The following PCCA variants were observed in gnomAD, a reference collection of about 807,000 sequenced individuals.
The protein encoded by PCCA is propionyl-CoA carboxylase subunit alpha, also known as propionyl-CoA carboxylase alpha chain, mitochondrial.
Under a neutral mutation model 101.3 loss-of-function variants are expected in PCCA, and 74 were observed. That is an observed-to-expected ratio of 0.73 (90% confidence interval 0.61 to 0.89). The LOEUF (loss-of-function observed/expected upper bound fraction) is 0.89. PCCA is among the 40% of genes least tolerant of loss of function. The pLI, the probability that PCCA is intolerant of heterozygous loss-of-function variation, is 0.00. For synonymous variants in PCCA, 294 were observed against 313.6 expected (o/e 0.94, Z 0.66); for missense variants, 891 against 907.0 (o/e 0.98, Z 0.23).
At chr13:100,517,046 CGTGTGTGTGTGTGTGTGTGT>C (rs3840814) in intron 22 of PCCA, among the ~76,000 whole-genome samples, 3 of 132,986 alleles carry the variant, frequency 2.3e-5, no homozygotes, top group African/African-American at 5.7e-5. Flanking sequence ...ATTATAAAAT[CGTGTGTGTGTGTGTGTGTGT>C]GTGTGTGTGT....
At chr13:100,442,047 G>T (rs1215894976) in intron 20 of PCCA, among the ~76,000 whole-genome samples, 5 of 145,488 alleles carry the variant, frequency 3.4e-5, no homozygotes, top group Non-Finnish European at 6.0e-5. Context: ...AGGCTGTAGT[G>T]CAATGGCATG....
At chr13:100,453,087 C>T (rs967585437) in intron 21 of PCCA, among the ~76,000 whole-genome samples, 2 of 151,948 alleles carry the variant, frequency 1.3e-5, no homozygotes, top group Admixed American at 6.6e-5. Context: ...TCCCAGCTAC[C>T]CAGGAACATC....
chr13:100,309,960 A>G, intron 16 of PCCA, 52 bp downstream of exon 16: 1 of 1,268,628 alleles, frequency 7.9e-7, no homozygotes, highest in Non-Finnish European at 1.2e-6. Context: ...GTCCAGTTCC[A>G]GAGAACAGCC....
intron 7 of PCCA, among the ~76,000 whole-genome samples, chr13:100,232,351 CGTGTGTGTGTGTGTGTGTGTGTGT>C (rs375554722): frequency 4.6e-5 from 6 of 131,180 alleles, no homozygotes; most frequent in Non-Finnish European, 8.1e-5. Context: ...TGTGTGTATG[CGTGTGTGTGTGTGTGTGTGTGTGT>C]GTGTGTGTGT....
intron 20 of PCCA, among the ~76,000 whole-genome samples, chr13:100,429,321 G>A (rs1441857028): frequency 1.3e-5 from 2 of 151,802 alleles, no homozygotes; most frequent in African/African-American, 4.8e-5. Flanking sequence ...GCAATTATAA[G>A]TGTTTGTGTG....
intron 19 of PCCA, among the ~76,000 whole-genome samples, chr13:100,423,998 G>T (rs1006827611): frequency 6.6e-6 from 1 of 152,198 alleles, no homozygotes; most frequent in Admixed American, 6.5e-5. Context: ...ACCTACTACA[G>T]TCGGCCCATG....
chr13:100,410,136 G>A (rs1378825432), intron 19 of PCCA, among the ~76,000 whole-genome samples: 1 of 152,182 alleles, frequency 6.6e-6, no homozygotes, highest in African/African-American at 2.4e-5. Flanking sequence ...TGTACTATAT[G>A]GACTGGGATT....
chr13:100,316,322 TTTATG>T (rs1244427815), intron 16 of PCCA, among the ~76,000 whole-genome samples: 2 of 152,260 alleles, frequency 1.3e-5, no homozygotes, highest in African/African-American at 4.8e-5. Context: ...AGTCTGTGTT[TTTATG>T]CTGTATTTAC....
At chr13:100,368,316 A>G (rs1016687378) in intron 18 of PCCA, among the ~76,000 whole-genome samples, 156 bp from the exon 19 acceptor site, 4 of 152,242 alleles carry the variant, frequency 2.6e-5, no homozygotes. Flanking sequence ...ATTCAAATTC[A>G]TAGATACATG....
intron 21 of PCCA, among the ~76,000 whole-genome samples, chr13:100,506,130 T>C (rs1264918671): frequency 6.6e-6 from 1 of 152,126 alleles, no homozygotes; most frequent in Non-Finnish European, 1.5e-5. Context: ...CTTCAGAGAC[T>C]TGGGCTTTCA....
intron 8 of PCCA, among the ~76,000 whole-genome samples, chr13:100,243,715 A>G (rs2061284466): frequency 6.6e-6 from 1 of 152,146 alleles, no homozygotes; most frequent in African/African-American, 2.4e-5. Flanking sequence ...GTTCTTTGAA[A>G]GTCTGGCTCT....
At chr13:100,400,629 T>TTTTTA in intron 19 of PCCA, among the ~76,000 whole-genome samples, 1 of 99,106 alleles carries the variant, frequency 1.0e-5, no homozygotes. Flanking sequence ...TCTTTTTAGT[T>TTTTTA]CTTTTTTTTT....
At chr13:100,274,492 G>A (rs1595061820) in intron 12 of PCCA, among the ~76,000 whole-genome samples, 1 of 152,004 alleles carries the variant, frequency 6.6e-6, no homozygotes. Flanking sequence ...ATTTGTTCTC[G>A]TACACTTCAG....
At chr13:100,485,728 T>C (rs1419932587) in intron 21 of PCCA, among the ~76,000 whole-genome samples, 1 of 152,210 alleles carries the variant, frequency 6.6e-6, no homozygotes, top group African/African-American at 2.4e-5. Context: ...GCTTGGGTCA[T>C]AATGATAATA....
intron 7 of PCCA, among the ~76,000 whole-genome samples, chr13:100,210,074 C>G (rs544326684): frequency 1.8e-4 from 27 of 152,240 alleles, no homozygotes; most frequent in African/African-American, 5.8e-4. Context: ...CTCGCCATGA[C>G]TCAAGAATCC....
chr13:100,315,768 C>T (rs1201088055), intron 16 of PCCA, among the ~76,000 whole-genome samples: 1 of 152,132 alleles, frequency 6.6e-6, no homozygotes, highest in African/African-American at 2.4e-5. Context: ...CAGATGGGAC[C>T]TGGTGAACTC....
At chr13:100,443,975 A>G (rs186710103) in intron 20 of PCCA, among the ~76,000 whole-genome samples, 69 of 152,162 alleles carry the variant, frequency 4.5e-4, no homozygotes, top group Non-Finnish European at 7.9e-4. Flanking sequence ...AAACATGAGC[A>G]TGTCACACTC....
intron 20 of PCCA, among the ~76,000 whole-genome samples, chr13:100,434,688 G>A (rs554767797): frequency 4.5e-4 from 68 of 152,160 alleles, no homozygotes; most frequent in African/African-American, 1.5e-3. Flanking sequence ...TAATGACCCC[G>A]CCTGCTTTTC....
intron 22 of PCCA, among the ~76,000 whole-genome samples, chr13:100,519,300 C>T (rs1280977773): frequency 6.6e-6 from 1 of 152,204 alleles, no homozygotes; most frequent in African/African-American, 2.4e-5. Flanking sequence ...AATTAAGTAC[C>T]TGTTGCTGCT....
Sources: allele counts gnomAD v4.1 joint callset (sites outside exome capture counted in the v4.1 genomes callset), GRCh38; gene constraint gnomAD v4.1.1; transcripts MANE v1.5; gene names NCBI Gene and HGNC (gene_info 2026-07-23, HGNC 2026-07-21).